Variants in CHN2 observed in about 807,000 individuals in gnomAD.
The protein encoded by CHN2 is beta-chimaerin.
A neutral mutation model predicts 56.3 loss-of-function variants in CHN2; 35 were observed. The observed-to-expected ratio is 0.62, with a 90% CI of 0.47 to 0.82. The LOEUF (loss-of-function observed/expected upper bound fraction) is 0.82, where lower values mean the gene tolerates loss of function less well. Ranked by LOEUF, CHN2 falls within the 40% of genes least tolerant of loss-of-function variation. The pLI, the probability that CHN2 is intolerant of heterozygous loss-of-function variation, is 0.00. For synonymous variants in CHN2, 210 were observed against 212.8 expected (o/e 0.99, Z 0.12); for missense variants, 491 against 580.5 (o/e 0.85, Z 1.58).
intron 1 of CHN2, among the ~76,000 whole-genome samples, chr7:29,269,332 TTAACA>T (rs1350907301): frequency 6.6e-6 from 1 of 152,256 alleles, no homozygotes; most frequent in African/African-American, 2.4e-5. Flanking sequence ...CTTATTTCAC[TTAACA>T]TAATATCTTC....
chr7:29,248,082 G>A (rs1788211939), intron 1 of CHN2, among the ~76,000 whole-genome samples: 1 of 152,226 alleles, frequency 6.6e-6, no homozygotes, highest in African/African-American at 2.4e-5. Flanking sequence ...TTGGAAAGTA[G>A]GCCCTGTCCC....
At chr7:29,477,655 C>A (rs1786705465) in intron 6 of CHN2, among the ~76,000 whole-genome samples, 1 of 152,228 alleles carries the variant, frequency 6.6e-6, no homozygotes, top group South Asian at 2.1e-4. Context: ...GTATGCCAAG[C>A]CTTCACTTAA....
chr7:29,209,946 GA>G (rs1784791422), intron 1 of CHN2, among the ~76,000 whole-genome samples: 2 of 152,138 alleles, frequency 1.3e-5, no homozygotes, highest in African/African-American at 2.4e-5. Flanking sequence ...ATCACTGGAT[GA>G]GGGGTCACGT....
rs2128760671 is a variant in CHN2 at position 29,194,836 on chromosome 7, T to G, written c.-106T>G. On this transcript the variant is annotated 5_prime_UTR_variant, in exon 1 of 13. Transcript: ENST00000222792. ...GTGCTTTCTGCGCGTCCCCAGGACT[T>G]TGCCATGGGCTGGGGGCCGCGGAGG... The G allele has an allele frequency of 9.3e-7, 1 of 1,078,424 alleles. No individual in the cohort carries two copies. Among genetic ancestry groups the G allele is most frequent in the Admixed American group, 4.3e-5 (1 of 23,412 alleles). 66.8% of individuals were successfully genotyped at this position (1,078,424 alleles called of 1,614,324 possible). A position where few individuals can be genotyped will look rare whatever the true frequency, so the allele number is the denominator to read the frequency against.
At chr7:29,190,727 G>GTGT (rs1228948139), upstream of CHN2, among the ~76,000 whole-genome samples, 1 of 152,164 alleles carries the variant, frequency 6.6e-6, no homozygotes, top group East Asian at 1.9e-4. Context: ...TGCTGCAGAT[G>GTGT]TGTTGTTACT....
At chr7:29,335,989 G>GAC (rs1796588604) in intron 1 of CHN2, 1 of 152,332 alleles carries the variant, frequency 6.6e-6, no homozygotes, top group Non-Finnish European at 1.5e-5. Context: ...AGCTCCAGTG[G>GAC]GGTAGCTTTG....
At chr7:29,266,028 C>G (rs1237270293) in intron 1 of CHN2, among the ~76,000 whole-genome samples, 1 of 152,002 alleles carries the variant, frequency 6.6e-6, no homozygotes, top group African/African-American at 2.4e-5. Flanking sequence ...ATCTTCCCCC[C>G]AAAAAAGATC....
chr7:29,392,245 T>G (rs1034973587), intron 3 of CHN2, among the ~76,000 whole-genome samples: 7 of 152,168 alleles, frequency 4.6e-5, no homozygotes, highest in African/African-American at 1.7e-4. Flanking sequence ...TATAATATTA[T>G]AAAACTAAAA....
At chr7:29,321,607 C>T (rs868652998) in intron 1 of CHN2, among the ~76,000 whole-genome samples, 14 of 121,752 alleles carry the variant, frequency 1.1e-4, no homozygotes, top group Admixed American at 5.9e-4. Context: ...TTTCGCTCTT[C>T]TTGCCCAGGC....
intron 2 of CHN2, among the ~76,000 whole-genome samples, chr7:29,365,489 G>A (rs553748582): frequency 1.3e-5 from 2 of 152,340 alleles, no homozygotes; most frequent in African/African-American, 4.8e-5. Flanking sequence ...CTAGGGTGAT[G>A]TCTTTGGATC....
intron 3 of CHN2, among the ~76,000 whole-genome samples, chr7:29,393,120 T>C (rs1411200302): frequency 6.6e-6 from 1 of 152,234 alleles, no homozygotes; most frequent in Non-Finnish European, 1.5e-5. Context: ...AGTCAAGTCA[T>C]AAATCTTGTC....
intron 6 of CHN2, among the ~76,000 whole-genome samples, chr7:29,409,347 T>G (rs574140451): frequency 6.6e-6 from 1 of 152,324 alleles, no homozygotes; most frequent in African/African-American, 2.4e-5. Context: ...TCTAAAATAT[T>G]TATTAATTCT....
chr7:29,194,372 C>T (rs1584681724), upstream of CHN2: 1 of 152,462 alleles, frequency 6.6e-6, no homozygotes, highest in East Asian at 1.9e-4. Context: ...CTGTCAAGCC[C>T]GCAGCAGCCG....
At chr7:29,398,198 G>C in intron 4 of CHN2, 175 bp from the exon 5 acceptor site, 1 of 477,820 alleles carries the variant, frequency 2.1e-6, no homozygotes, top group Non-Finnish European at 3.7e-6. Flanking sequence ...CTTGTGTTTG[G>C]AGCATGTGAG....
At chr7:29,196,124 G>T (rs1037051204) in intron 1 of CHN2, among the ~76,000 whole-genome samples, 2 of 152,060 alleles carry the variant, frequency 1.3e-5, no homozygotes, top group Non-Finnish European at 2.9e-5. Context: ...CTTTTTGGAG[G>T]CATTGGATAG....
At position 29,394,805 on chromosome 7, in the gene CHN2, CTAAAAGGAG is replaced by C. The variant is rs1351097884; in HGVS notation, c.176+1096_176+1104del. The stretch of plus-strand genomic sequence containing the variant: ...CCATATACACTTTTGCATGTGAATT[CTAAAAGGAG>C]CTGTTTATTATGCATTTTCTTTTTG... On this transcript the variant is annotated intron_variant, in intron 4 of 12. Transcript: ENST00000222792. Among the ~76,000 whole-genome samples the C allele has an allele frequency of 6.6e-5, 10 of 152,282 alleles. No homozygotes were observed. The East Asian group carries it at 1.7e-3, about 26-fold the overall frequency.
Position 29,216,521 on chromosome 7 carries a change from T to C in CHN2, c.49+21531T>C, listed in dbSNP as rs115180792. On this transcript the variant is annotated intron_variant, in intron 1 of 12. Coordinates refer to ENST00000222792, the MANE Select transcript of CHN2 (RefSeq NM_004067.4). ...TTACATTTCTTTCTTTGTCACTTTT[T>C]AGCTTATCATTCCGCCAAGGTTTTG... Among the ~76,000 whole-genome samples, 923 of 152,358 alleles carry C rather than the reference T, an allele frequency of 6.1e-3. 5 individuals carry two copies. The highest frequency in any genetic ancestry group is 0.021 in the African/African-American group (878 of 41,582).
At chr7:29,370,068 A>G (rs1331741601) in intron 3 of CHN2, among the ~76,000 whole-genome samples, 1 of 152,164 alleles carries the variant, frequency 6.6e-6, no homozygotes, top group Non-Finnish European at 1.5e-5. Flanking sequence ...TAACAGGTCA[A>G]GTTTGCTGGA....
At chr7:29,298,541 T>G (rs762748737) in intron 1 of CHN2, among the ~76,000 whole-genome samples, 1 of 152,188 alleles carries the variant, frequency 6.6e-6, no homozygotes, top group Non-Finnish European at 1.5e-5. Flanking sequence ...GAGATTTGGG[T>G]GCACGGTGCT....
Sources: allele counts gnomAD v4.1 joint callset (sites outside exome capture counted in the v4.1 genomes callset), GRCh38; gene constraint gnomAD v4.1.1; transcripts MANE v1.5; gene names NCBI Gene and HGNC (gene_info 2026-07-23, HGNC 2026-07-21).